PCDH7: variants seen among roughly 807,000 people sequenced by gnomAD.
PCDH7 encodes protocadherin-7.
A neutral mutation model predicts 58.9 loss-of-function variants in PCDH7; 17 were observed. That is an observed-to-expected ratio of 0.29 (90% CI 0.20 to 0.43). The LOEUF (loss-of-function observed/expected upper bound fraction) is 0.43, where lower values mean the gene tolerates loss of function less well. PCDH7 is among the 20% of genes least tolerant of loss of function. PCDH7 has a pLI of 1.00. For missense variants in PCDH7, 1,274 were observed against 1,441.0 expected (o/e 0.88, Z 1.88); for synonymous variants, 664 against 616.4 (o/e 1.08, Z -1.14).
downstream of PCDH7, chr4:31,144,714 G>A (rs1720563115): frequency 6.6e-6 from 1 of 152,072 alleles, no homozygotes; most frequent in Non-Finnish European, 1.5e-5. Flanking sequence ...GGTACAATTT[G>A]GGGGTCATTT....
chr4:30,739,286 G>A (rs1352878892), intron 1 of PCDH7, among the ~76,000 whole-genome samples: 1 of 150,774 alleles, frequency 6.6e-6, no homozygotes, highest in African/African-American at 2.4e-5. Flanking sequence ...AGCATTTCTA[G>A]GCAACAAAAT....
chr4:30,968,320 T>C (rs1467753408), intron 3 of PCDH7, among the ~76,000 whole-genome samples: 1 of 21,632 alleles, frequency 4.6e-5, no homozygotes, highest in Non-Finnish European at 7.1e-5. Flanking sequence ...ATATATACAC[T>C]ATATATATAT....
chr4:30,862,056 C>T (rs1734275919), intron 1 of PCDH7, among the ~76,000 whole-genome samples: 2 of 152,112 alleles, frequency 1.3e-5, no homozygotes, highest in Non-Finnish European at 2.9e-5. Flanking sequence ...TTTAAGTCCT[C>T]ACTTTATGGT....
intron 1 of PCDH7, among the ~76,000 whole-genome samples, chr4:30,805,591 C>T (rs1374862310): frequency 6.6e-6 from 1 of 152,152 alleles, no homozygotes; most frequent in African/African-American, 2.4e-5. Context: ...TTATTTCCCT[C>T]TCAAATATTC....
intron 3 of PCDH7, among the ~76,000 whole-genome samples, chr4:31,032,868 T>A (rs181968358): frequency 2.7e-4 from 41 of 152,310 alleles, no homozygotes; most frequent in Non-Finnish European, 5.0e-4. Context: ...TATCTTAGAA[T>A]CTATTAATGG....
intron 3 of PCDH7, among the ~76,000 whole-genome samples, chr4:31,093,708 T>G (rs1215801707): frequency 6.6e-6 from 1 of 152,138 alleles, no homozygotes; most frequent in Admixed American, 6.6e-5. Flanking sequence ...CATCTTTGGT[T>G]TCTCCTATAA....
At chr4:30,872,074 G>A (rs1032524229) in intron 1 of PCDH7, among the ~76,000 whole-genome samples, 2 of 151,974 alleles carry the variant, frequency 1.3e-5, no homozygotes, top group South Asian at 4.1e-4. Context: ...TAGTTATCAG[G>A]GGTTAAGACT....
At chr4:30,858,464 G>A (rs1733771673) in intron 1 of PCDH7, among the ~76,000 whole-genome samples, 1 of 151,918 alleles carries the variant, frequency 6.6e-6, no homozygotes, top group African/African-American at 2.4e-5. Flanking sequence ...TGTTTTGCTA[G>A]CATAAGTTTT....
At chr4:31,035,228 GT>G (rs924877222) in intron 3 of PCDH7, among the ~76,000 whole-genome samples, 5 of 124,876 alleles carry the variant, frequency 4.0e-5, no homozygotes, top group African/African-American at 1.2e-4. Context: ...AAGCATCTAT[GT>G]TTTTTTTCCT....
intron 2 of PCDH7, among the ~76,000 whole-genome samples, chr4:30,932,454 T>C (rs1442035464): frequency 6.6e-6 from 1 of 152,234 alleles, no homozygotes; most frequent in Non-Finnish European, 1.5e-5. Context: ...GTGTTCATTT[T>C]TGCTTTATAG....
rs1336963741 is a variant in PCDH7 at position 30,824,143 on chromosome 4, CTTTCTTTCTTTCTTTCTTTT to C, written c.71-96008_71-95989del. 1.2e-3 allele frequency among the ~76,000 whole-genome samples: 157 copies of C among 127,086 alleles called. 1 individual carries two copies. The East Asian group carries it at 0.013, about 11-fold the overall frequency. The allele number at this position is 127,086 out of a possible 152,430, so 83.4% of individuals were successfully genotyped here. On this transcript the variant is annotated intron_variant, in intron 1 of 3. Transcript: ENST00000509759. ...TCTTTCTTTCTTTCTTTCTTTCTTT[CTTTCTTTCTTTCTTTCTTTT>C]TGCTTCCCTCATATATGTGATTCTC...
chr4:31,004,875 GACA>G (rs1462003889), intron 3 of PCDH7, among the ~76,000 whole-genome samples: 4 of 152,096 alleles, frequency 2.6e-5, no homozygotes, highest in South Asian at 4.1e-4. Context: ...GCTAAATAGT[GACA>G]ACGACAATCA....
chr4:31,022,805 CA>C (rs1247331050), intron 3 of PCDH7, among the ~76,000 whole-genome samples: 1 of 152,016 alleles, frequency 6.6e-6, no homozygotes, highest in East Asian at 1.9e-4. Flanking sequence ...CCTTGTCTTT[CA>C]AAAAGCTTAC....
intron 1 of PCDH7, among the ~76,000 whole-genome samples, chr4:30,901,639 A>T (rs1191482954): frequency 6.6e-6 from 1 of 152,134 alleles, no homozygotes; most frequent in African/African-American, 2.4e-5. Context: ...TGAACTACAT[A>T]CCTTTTCCCT....
At chr4:31,113,713 C>A (rs537768096) in intron 3 of PCDH7, among the ~76,000 whole-genome samples, 18 of 151,866 alleles carry the variant, frequency 1.2e-4, no homozygotes, top group Non-Finnish European at 2.5e-4. Flanking sequence ...GAGTTTTGAG[C>A]AGATAGGTAC....
intron 3 of PCDH7, among the ~76,000 whole-genome samples, chr4:31,101,755 A>G (rs1044051148): frequency 2.6e-5 from 4 of 152,216 alleles, no homozygotes; most frequent in Non-Finnish European, 4.4e-5. Flanking sequence ...TATTATATAA[A>G]TGCATTGAGT....
chr4:30,992,149 A>C (rs568824517), intron 3 of PCDH7, among the ~76,000 whole-genome samples: 1 of 152,368 alleles, frequency 6.6e-6, no homozygotes, highest in South Asian at 2.1e-4. Context: ...ATGAACTAGT[A>C]ATATAAAGCA....
At chr4:30,865,922 T>C (rs941841328) in intron 1 of PCDH7, among the ~76,000 whole-genome samples, 1 of 152,066 alleles carries the variant, frequency 6.6e-6, no homozygotes, top group Admixed American at 6.6e-5. Flanking sequence ...GCAGATGCAT[T>C]CTTATCCTCT....
At chr4:30,800,473 A>G (rs1725392863) in intron 1 of PCDH7, among the ~76,000 whole-genome samples, 1 of 152,198 alleles carries the variant, frequency 6.6e-6, no homozygotes, top group African/African-American at 2.4e-5. Flanking sequence ...ACTTTAGCCC[A>G]GACACTGTGC....
Sources: allele counts gnomAD v4.1 joint callset (sites outside exome capture counted in the v4.1 genomes callset), GRCh38; gene constraint gnomAD v4.1.1; transcripts MANE v1.5; gene names NCBI Gene and HGNC (gene_info 2026-07-23, HGNC 2026-07-21).